FGD3: variants seen among roughly 807,000 people sequenced by gnomAD.
FGD3 encodes FYVE, RhoGEF and PH domain-containing protein 3.
A neutral mutation model predicts 71.8 loss-of-function variants in FGD3; 45 were observed. The observed-to-expected ratio is 0.63, with a 90% CI of 0.49 to 0.80. FGD3 has a LOEUF of 0.80. Among genes scored for constraint, FGD3 ranks in the 30% least tolerant of loss-of-function variants. The probability of loss-of-function intolerance (pLI) is 0.00; values close to 1 mark genes in which losing one functional copy is unlikely to be tolerated. For synonymous variants in FGD3, 378 were observed against 392.8 expected (o/e 0.96, Z 0.44); for missense variants, 844 against 951.5 (o/e 0.89, Z 1.49).
rs71511639 is a variant in FGD3 at position 93,016,335 on chromosome 9, CT to C, written c.1275+528del. ...CTGTAGCATGGTCCAGAATGACCTT[CT>C]TTTTTTTTTTTTTTTTTTTTTGAGA... is the stretch of plus-strand genomic sequence containing the variant. On this transcript the variant is annotated intron_variant, in intron 10 of 17. Transcript: ENST00000375482. Among the ~76,000 whole-genome samples the C allele has an allele frequency of 8.2e-3, 888 of 108,508 alleles. 4 individuals are homozygous for C. Among genetic ancestry groups the C allele is most frequent in the African/African-American group, 0.026 (751 of 28,730 alleles). The allele number at this position is 108,508 out of a possible 152,430, so 71.2% of individuals were successfully genotyped here. A position where few individuals can be genotyped will look rare whatever the true frequency, so the allele number is the denominator to read the frequency against.
At chr9:93,011,434 GC>G (rs1861372792) in intron 8 of FGD3, among the ~76,000 whole-genome samples, 162 bp downstream of exon 8, 2 of 152,208 alleles carry the variant, frequency 1.3e-5, no homozygotes, top group South Asian at 4.1e-4. Flanking sequence ...CAGCTGGACA[GC>G]CCCGCCCCTT....
At chr9:93,029,828 G>A in intron 14 of FGD3, 46 bp from the exon 15 acceptor site, 3 of 1,595,698 alleles carry the variant, frequency 1.9e-6, no homozygotes, top group South Asian at 2.2e-5. Flanking sequence ...GGGGTAGGGT[G>A]CACACATGAT....
At chr9:92,996,031 G>A (rs1298214427) in intron 3 of FGD3, among the ~76,000 whole-genome samples, 4 of 152,084 alleles carry the variant, frequency 2.6e-5, no homozygotes, top group Non-Finnish European at 5.9e-5. Flanking sequence ...TCTATTGATT[G>A]GAATAGTTTC....
At position 93,002,825 on chromosome 9, in the gene FGD3, CCT is replaced by C. The variant is rs1860906108; in HGVS notation, c.454-99_454-98del. The stretch of plus-strand genomic sequence containing the variant: ...CTTGCCCCAGTGGCCTCCTGCCACC[CCT>C]GTGGCCCCTGGTTCTCCTGCACACA... On this transcript the variant is annotated intron_variant, in intron 3 of 17. Transcript: ENST00000375482. 2.5e-6 allele frequency: 3 copies of C among 1,180,504 alleles called. No homozygotes were observed. The South Asian group carries it at 3.8e-5, about 15-fold the overall frequency. The allele number at this position is 1,180,504 out of a possible 1,614,324, so 73.1% of individuals were successfully genotyped here. A position where few individuals can be genotyped will look rare whatever the true frequency, so the allele number is the denominator to read the frequency against.
At chr9:92,983,479 C>T (rs1016683292) in intron 3 of FGD3, among the ~76,000 whole-genome samples, 5 of 151,546 alleles carry the variant, frequency 3.3e-5, no homozygotes. Flanking sequence ...GAGCCGAGAT[C>T]ACACCACTGC....
chr9:92,996,118 TG>T (rs1176534568), intron 3 of FGD3, among the ~76,000 whole-genome samples: 2 of 152,216 alleles, frequency 1.3e-5, no homozygotes, highest in Non-Finnish European at 2.9e-5. Flanking sequence ...GGACTTTTTT[TG>T]GTTGGTAGGC....
chr9:93,013,617 CA>C (rs1275185835), intron 8 of FGD3, among the ~76,000 whole-genome samples: 1 of 152,218 alleles, frequency 6.6e-6, no homozygotes, highest in Non-Finnish European at 1.5e-5. Flanking sequence ...ACATGGCTCA[CA>C]GCAATGGTTA....
chr9:93,016,418 A>G (rs1323464137), intron 10 of FGD3, among the ~76,000 whole-genome samples: 2 of 142,336 alleles, frequency 1.4e-5, no homozygotes, highest in East Asian at 4.1e-4. Flanking sequence ...GCTCACTGCA[A>G]CCTCCACCTC....
intron 2 of FGD3, among the ~76,000 whole-genome samples, chr9:92,975,921 A>G (rs918368890): frequency 7.2e-5 from 11 of 152,186 alleles, no homozygotes; most frequent in Non-Finnish European, 1.3e-4. Flanking sequence ...TTTTGAATTT[A>G]TTGAACAGCA....
intron 9 of FGD3, among the ~76,000 whole-genome samples, chr9:93,015,147 C>G (rs1289368229): frequency 6.6e-6 from 1 of 152,134 alleles, no homozygotes; most frequent in East Asian, 1.9e-4. Context: ...GTGAATGTAT[C>G]AGTAGCTCAT....
At position 93,004,020 on chromosome 9, in the gene FGD3, C is replaced by T. The variant is rs1244592531; in HGVS notation, c.563C>T (p.Thr188Met). The change falls in exon 5 of 18, where the codon ACG becomes ATG. Residue 188 changes from threonine to methionine, a missense_variant. Physicochemically the swap from Thr to Met is moderately conservative, Grantham distance 81. Transcript: ENST00000375482. ...LLDQVFCTRLTDAGIPPEVIM... is the reference protein window; with the variant it reads ...LLDQVFCTRLMDAGIPPEVIM... The stretch of plus-strand genomic sequence containing the variant: ...GCTCAGGTTTTCTGCACCAGGCTGA[C>T]GGATGCGGGGATCCCTCCAGAAGTC... 1.2e-6 allele frequency: 2 copies of T among 1,614,052 alleles called. No homozygotes were observed. Among genetic ancestry groups the T allele is most frequent in the Admixed American group, 1.7e-5 (1 of 60,010 alleles).
intron 9 of FGD3, 95 bp from the exon 10 acceptor site, chr9:93,015,642 A>G (rs1861646287): frequency 8.8e-6 from 7 of 798,064 alleles, no homozygotes; most frequent in Non-Finnish European, 1.3e-5. Flanking sequence ...AACATTAAAA[A>G]AAAATGAAAA....
In FGD3 at chr9:92,983,439, G is replaced by A. The variant is rs146592824; in HGVS notation, c.453+6730G>A. Among the ~76,000 whole-genome samples the A allele has an allele frequency of 2.5e-3, 385 of 151,864 alleles. 1 individual carries two copies. Among genetic ancestry groups the A allele is most frequent in the African/African-American group, 6.5e-3 (269 of 41,434 alleles). On this transcript the variant is annotated intron_variant, in intron 3 of 17. Transcript: ENST00000375482. ...ACTCGGGAGGCTGAGGCAGGAGAAC[G>A]GCGTGCACCCGGGAGGCAGAGCTTT... is the stretch of plus-strand genomic sequence containing the variant.
At chr9:92,974,171 C>T (rs571295721) in intron 1 of FGD3, among the ~76,000 whole-genome samples, 23 of 152,278 alleles carry the variant, frequency 1.5e-4, no homozygotes, top group Non-Finnish European at 2.4e-4. Context: ...ATAATTCCCC[C>T]GAGATGGGGT....
intron 9 of FGD3, among the ~76,000 whole-genome samples, chr9:93,015,021 C>G (rs1861613621): frequency 6.6e-6 from 1 of 151,288 alleles, no homozygotes. Context: ...CCCTGGCAAC[C>G]ATGGATCTCT....
chr9:92,999,994 T>G (rs1471774116), intron 3 of FGD3, among the ~76,000 whole-genome samples: 1 of 152,178 alleles, frequency 6.6e-6, no homozygotes, highest in African/African-American at 2.4e-5. Flanking sequence ...CTGGATGTCT[T>G]ATAGGTTTTT....
At chr9:93,032,748 C>G (rs748759745) in intron 15 of FGD3, 21 bp from the exon 16 acceptor site, 7 of 1,612,648 alleles carry the variant, frequency 4.3e-6, no homozygotes, top group African/African-American at 4.0e-5. Flanking sequence ...GCTGGGGTCA[C>G]ACGTGCCCTC....
intron 2 of FGD3, among the ~76,000 whole-genome samples, 176 bp from the exon 3 acceptor site, chr9:92,976,032 G>A (rs1002131645): frequency 6.6e-5 from 10 of 152,192 alleles, no homozygotes. Flanking sequence ...GTCTGTACAA[G>A]ACCCAGCTGA....
chr9:92,998,633 T>C (rs370183186), intron 3 of FGD3, among the ~76,000 whole-genome samples: 1 of 152,210 alleles, frequency 6.6e-6, no homozygotes, highest in East Asian at 1.9e-4. Context: ...TCGTTGATGA[T>C]GGTGACATAC....
Sources: allele counts gnomAD v4.1 joint callset (sites outside exome capture counted in the v4.1 genomes callset), GRCh38; gene constraint gnomAD v4.1.1; transcripts MANE v1.5; gene names NCBI Gene and HGNC (gene_info 2026-07-23, HGNC 2026-07-21).